The following NLRP7 variants were observed in gnomAD, a reference collection of about 807,000 sequenced individuals.
NLRP7 encodes the protein NLR family pyrin domain containing 7.
In NLRP7, 72 loss-of-function variants were observed where a neutral mutation model predicts 85.5. The observed-to-expected ratio is 0.84, with a 90% CI of 0.70 to 1.02. The LOEUF (loss-of-function observed/expected upper bound fraction) is 1.02, where lower values mean the gene tolerates loss of function less well. NLRP7 is among the 50% of genes least tolerant of loss of function. The pLI is 0.00. For synonymous variants in NLRP7, 550 were observed against 505.2 expected (o/e 1.09, Z -1.19); for missense variants, 1,243 against 1,219.5 (o/e 1.02, Z -0.29).
intron 1 of NLRP7, among the ~76,000 whole-genome samples, chr19:54,962,823 T>C (rs1307576770): frequency 6.9e-6 from 1 of 145,694 alleles, no homozygotes; most frequent in Non-Finnish European, 1.5e-5. Context: ...ATGGTCTCCA[T>C]CTCCTGACCT....
At chr19:54,956,082 G>A (rs1187484083) in intron 1 of NLRP7, among the ~76,000 whole-genome samples, 1 of 149,544 alleles carries the variant, frequency 6.7e-6, no homozygotes, top group East Asian at 2.0e-4. Flanking sequence ...CATGGCTACA[G>A]TGAGCCATGA....
chr19:54,941,982 G>A (rs1323828892), intron 1 of NLRP7, among the ~76,000 whole-genome samples: 2 of 152,094 alleles, frequency 1.3e-5, no homozygotes, highest in Non-Finnish European at 2.9e-5. Context: ...GGCTGGGCAC[G>A]GTGGCTCACG....
At chr19:54,964,211 G>GT (rs747785772) in intron 1 of NLRP7, among the ~76,000 whole-genome samples, 75 of 52,478 alleles carry the variant, frequency 1.4e-3, no homozygotes, top group African/African-American at 3.3e-3. Flanking sequence ...TTTATATGGT[G>GT]TTTTTTTTTT....
intron 9 of NLRP7, among the ~76,000 whole-genome samples, chr19:54,924,262 CCA>C (rs1405571181): frequency 1.8e-4 from 28 of 152,226 alleles, no homozygotes; most frequent in Admixed American, 1.6e-3. Context: ...GCCACAGCAC[CCA>C]GTCAGAAAAG....
chr19:54,923,545 G>C (rs1033510415), exon 10 of NLRP7: 1 of 657,988 alleles, frequency 1.5e-6, no homozygotes, highest in African/African-American at 1.8e-5. Flanking sequence ...ATCCCTGTGA[G>C]AAAGTACATA....
At chr19:54,963,560 A>C (rs981611961) in intron 1 of NLRP7, among the ~76,000 whole-genome samples, 6 of 151,798 alleles carry the variant, frequency 4.0e-5, no homozygotes, top group Admixed American at 2.6e-4. Flanking sequence ...GCAGTGGCTC[A>C]TGCCTGTAAT....
chr19:54,937,099 TC>T (rs1230414673), intron 5 of NLRP7, among the ~76,000 whole-genome samples: 1 of 150,300 alleles, frequency 6.7e-6, no homozygotes, highest in East Asian at 2.0e-4. Context: ...GCGCCTGTAG[TC>T]CCAGCTACTC....
upstream of NLRP7, chr19:54,947,638 C>G (rs760184759): frequency 2.9e-5 from 38 of 1,289,376 alleles, no homozygotes; most frequent in South Asian, 4.7e-4. Context: ...TGACCTCAGG[C>G]TCACCTTGAC....
exon 4 of NLRP7, chr19:54,940,136 G>C (rs747972337): frequency 2.5e-6 from 4 of 1,614,190 alleles, no homozygotes; most frequent in South Asian, 1.1e-5. Flanking sequence ...CCAGTCTTTG[G>C]AGATCAGCTC....
chr19:54,949,637 G>A (rs969027263), upstream of NLRP7, among the ~76,000 whole-genome samples: 9 of 151,978 alleles, frequency 5.9e-5, no homozygotes, highest in East Asian at 1.9e-4. Flanking sequence ...CCACAAGTGC[G>A]AGGGACTGGC....
At chr19:54,962,834 C>CAG (rs1315657854) in intron 1 of NLRP7, among the ~76,000 whole-genome samples, 18 of 144,626 alleles carry the variant, frequency 1.2e-4, no homozygotes, top group Middle Eastern at 3.9e-3. Flanking sequence ...CTCCTGACCT[C>CAG]GTGATCCGCC....
rs775203582 is a variant in NLRP7, at chr19:54,934,515, G to A, written c.2445C>T (p.Arg815=). 21 of 1,614,138 alleles carry A rather than the reference G, an allele frequency of 1.3e-5. No homozygotes were observed. Among genetic ancestry groups the A allele is most frequent in the South Asian group, 1.2e-4 (11 of 91,082 alleles). The change falls in exon 7 of 10, where the codon CGC becomes CGT. Residue 815 remains arginine, a synonymous_variant. Transcript: ENST00000340844. This position sits in a 1 kb window ranked among gnomAD's most constrained non-coding sequence, Gnocchi z 6.7. ...ACAACATCTGCAGGAAGTGTTTTGG[G>A]CGTGTCATGGTCTTGTACAGCAACA...
chr19:54,946,080 C>A (rs1383513557), intron 1 of NLRP7, among the ~76,000 whole-genome samples: 5 of 151,814 alleles, frequency 3.3e-5, no homozygotes, highest in Non-Finnish European at 7.4e-5. Context: ...CGTGAGCCAC[C>A]GCGCCCGGCC....
intron 1 of NLRP7, among the ~76,000 whole-genome samples, chr19:54,942,255 C>CAAAAAAAAAAAAAAA (rs576434793): frequency 1.7e-5 from 1 of 59,442 alleles, no homozygotes; most frequent in Non-Finnish European, 3.1e-5. Context: ...GACTCCGTCT[C>CAAAAAAAAAAAAAAA]AAAAAAAAAA....
At position 54,936,320 on chromosome 19, in the gene NLRP7, CG is replaced by C; in HGVS notation, c.2240del (p.Thr747ArgfsTer2). On this transcript the variant is annotated frameshift_variant, in exon 6 of 10. Coordinates refer to ENST00000340844, the Ensembl canonical transcript of NLRP7. LOFTEE classifies it high-confidence loss of function. ...GCAGGTCACACAGCATCAGCATCAT[CG>C]TGCGTTCCCACTCGATGTGCCCTGC... 2.5e-6 allele frequency: 4 copies of C among 1,614,066 alleles called. No homozygotes were observed. The highest frequency in any genetic ancestry group is 3.4e-6 in the Non-Finnish European group (4 of 1,180,006).
chr19:54,938,996 G>A lies in NLRP7; in HGVS notation c.1823C>T (p.Ser608Phe), dbSNP rs199475830. ...GTCTTGACAATGCTTCAGGCTGAAG[G>A]AACAATGCATCACTTCAGAAGTATT... The change falls in exon 4 of 10, where the codon TCC becomes TTC. Residue 608 changes from serine (S) to phenylalanine (F), a missense_variant. By Grantham distance (155) the Ser-to-Phe change is radical. This residue lies in a region of NLRP7 where 613 missense variants were observed against 588.4 expected (regional missense o/e 1.04). Coordinates refer to ENST00000340844, the Ensembl canonical transcript of NLRP7. 48 of 1,614,154 alleles carry A rather than the reference G, an allele frequency of 3.0e-5. No individual in the cohort carries two copies. In the East Asian group the frequency reaches 1.0e-3, roughly 35 times the overall value.
chr19:54,951,885 G>A (rs563276819), upstream of NLRP7, among the ~76,000 whole-genome samples: 414 of 152,074 alleles, frequency 2.7e-3, no homozygotes, highest in Non-Finnish European at 4.5e-3. Context: ...CGAATAGCTG[G>A]GACTACAGGT....
At chr19:54,960,871 A>C (rs2070019235) in intron 1 of NLRP7, among the ~76,000 whole-genome samples, 1 of 152,092 alleles carries the variant, frequency 6.6e-6, no homozygotes, top group African/African-American at 2.4e-5. Context: ...CTGGGATTAC[A>C]GGCGTGAGCC....
intron 1 of NLRP7, among the ~76,000 whole-genome samples, chr19:54,957,206 A>G (rs746680632): frequency 1.3e-5 from 2 of 151,234 alleles, no homozygotes; most frequent in Non-Finnish European, 2.9e-5. Context: ...TTTTTAGTGG[A>G]GACTGGGTTT....
Sources: gnomAD v4.1 joint callset for allele counts (sites outside exome capture counted in the v4.1 genomes callset) on GRCh38, gnomAD v4.1.1 for gene constraint, gnomAD v4.1.1 regional missense constraint, Gnocchi (gnomAD v3.1) non-coding constraint, MANE v1.5 for transcripts, NCBI Gene and HGNC (gene_info 2026-07-23, HGNC 2026-07-21) for gene names.